FUT8: variants seen among roughly 807,000 people sequenced by gnomAD.
FUT8 encodes the protein alpha-(1,6)-fucosyltransferase.
A neutral mutation model predicts 71.3 loss-of-function variants in FUT8; 29 were observed. The observed-to-expected ratio is 0.41, with a 90% CI of 0.30 to 0.55. The LOEUF is 0.55. FUT8 is among the 20% of genes least tolerant of loss of function. The probability of loss-of-function intolerance (pLI) is 0.34; values close to 1 mark genes in which losing one functional copy is unlikely to be tolerated. For missense variants in FUT8, 544 were observed against 702.1 expected (o/e 0.77, Z 2.55); for synonymous variants, 254 against 239.3 (o/e 1.06, Z -0.57).
At chr14:65,361,683 G>T in the FUT8 span, among the ~76,000 whole-genome samples, 1 of 152,092 alleles carries the variant, frequency 6.6e-6, no homozygotes, top group Admixed American at 6.6e-5. Flanking sequence ...AGCTACTTGG[G>T]AGGCTGAGGT....
chr14:65,415,726 T>C (rs1266906772), intron 1 of FUT8, among the ~76,000 whole-genome samples: 1 of 150,632 alleles, frequency 6.6e-6, no homozygotes, highest in Non-Finnish European at 1.5e-5. Context: ...AATAAAAAAA[T>C]GGACCTTTTA....
chr14:65,375,874 T>A, the FUT8 span, among the ~76,000 whole-genome samples: 1 of 95,922 alleles, frequency 1.0e-5, no homozygotes, highest in Non-Finnish European at 2.4e-5. Context: ...GCAGATCACT[T>A]GAGGCCAGGA....
At chr14:65,409,343 T>C (rs2065100835), upstream of FUT8, among the ~76,000 whole-genome samples, 3 of 152,230 alleles carry the variant, frequency 2.0e-5, no homozygotes, top group South Asian at 2.1e-4. The surrounding 1 kb of genome is among the most constrained non-coding windows in gnomAD (Gnocchi z 5.4). Flanking sequence ...ATTTGGTAAG[T>C]AGCTTATGCT....
chr14:65,416,813 C>G (rs1268080733), intron 1 of FUT8, among the ~76,000 whole-genome samples: 1 of 132,360 alleles, frequency 7.6e-6, no homozygotes, highest in Non-Finnish European at 1.6e-5. Context: ...GGTTGTCTCT[C>G]TATGTTGCCC....
chr14:65,503,957 A>G (rs966003741), intron 2 of FUT8, among the ~76,000 whole-genome samples: 3 of 152,236 alleles, frequency 2.0e-5, no homozygotes, highest in Non-Finnish European at 4.4e-5. Context: ...TATAGAAGAT[A>G]ATCTGTCAAA....
Position 65,505,160 on chromosome 14 carries a change from A to C in FUT8, c.-228+49442A>C, listed in dbSNP as rs58435428. On this transcript the variant is annotated intron_variant, in intron 2 of 10. Coordinates refer to ENST00000673929, the MANE Select transcript of FUT8 (RefSeq NM_001371533.1). ...CTAGCCACTGTTATCTGAATAGTTG[A>C]GTTTTACATGCGTAACCACTTGACC... Among the ~76,000 whole-genome samples, 127 of 152,174 alleles carry C rather than the reference A, an allele frequency of 8.3e-4. 2 individuals are homozygous for C. In the East Asian group the frequency reaches 0.023, roughly 28 times the overall value.
At chr14:65,390,926 C>A in the FUT8 span, among the ~76,000 whole-genome samples, 13 of 152,052 alleles carry the variant, frequency 8.5e-5, no homozygotes, top group African/African-American at 3.1e-4. Context: ...CAGGGTTTCA[C>A]CGTGTTAGCC....
intron 2 of FUT8, among the ~76,000 whole-genome samples, chr14:65,544,558 A>G (rs1260716636): frequency 6.6e-6 from 1 of 152,184 alleles, no homozygotes; most frequent in Non-Finnish European, 1.5e-5. Context: ...CTGAAGGTAC[A>G]GATGGCAAGT....
At chr14:65,534,044 A>AT (rs759222434) in intron 2 of FUT8, among the ~76,000 whole-genome samples, 3 of 152,058 alleles carry the variant, frequency 2.0e-5, no homozygotes, top group Non-Finnish European at 4.4e-5. Context: ...TTTGTTGAAG[A>AT]TTTTTGCATC....
At chr14:65,670,497 GA>G (rs1412211139) in intron 7 of FUT8, among the ~76,000 whole-genome samples, 1 of 152,112 alleles carries the variant, frequency 6.6e-6, no homozygotes, top group Admixed American at 6.5e-5. Flanking sequence ...CAGTGTGACA[GA>G]TACTGAATTA....
chr14:65,715,323 A>C lies in FUT8; in HGVS notation c.836-6452A>C, dbSNP rs74990521. ...TTTTATCACATGCTTTTTCTGCATCAATTGAAATGATCATGTGGCTTTTGT... is the reference window on the plus strand; with the variant it reads ...TTTTATCACATGCTTTTTCTGCATCCATTGAAATGATCATGTGGCTTTTGT... On this transcript the variant is annotated intron_variant, in intron 7 of 10. Transcript: ENST00000673929. Among the ~76,000 whole-genome samples the C allele has an allele frequency of 7.9e-3, 1,208 of 152,348 alleles. 9 individuals are homozygous for C. Among genetic ancestry groups the C allele is most frequent in the African/African-American group, 0.024 (1,006 of 41,576 alleles).
At chr14:65,539,908 C>T (rs993810439) in intron 2 of FUT8, among the ~76,000 whole-genome samples, 1 of 152,168 alleles carries the variant, frequency 6.6e-6, no homozygotes, top group African/African-American at 2.4e-5. Flanking sequence ...CAGAATGAGT[C>T]CCAACATTCT....
intron 7 of FUT8, among the ~76,000 whole-genome samples, chr14:65,712,840 A>G (rs1028967816): frequency 6.6e-6 from 1 of 152,192 alleles, no homozygotes; most frequent in African/African-American, 2.4e-5. Flanking sequence ...ACAGGCATAC[A>G]ATGCATAATA....
chr14:65,382,078 C>T, the FUT8 span, among the ~76,000 whole-genome samples: 1 of 152,232 alleles, frequency 6.6e-6, no homozygotes, highest in East Asian at 1.9e-4. Context: ...TCTTCTTTCA[C>T]CTCTCCGTGG....
intron 3 of FUT8, among the ~76,000 whole-genome samples, chr14:65,604,291 A>G (rs1400160155): frequency 6.6e-6 from 1 of 151,934 alleles, no homozygotes; most frequent in Non-Finnish European, 1.5e-5. Context: ...CAGCAACCAC[A>G]GAGTATACAT....
chr14:65,459,780 G>A (rs1320214443), intron 2 of FUT8, among the ~76,000 whole-genome samples: 2 of 151,918 alleles, frequency 1.3e-5, no homozygotes, highest in Non-Finnish European at 2.9e-5. Flanking sequence ...TTTATTTCAC[G>A]AACACTGCCA....
chr14:65,406,459 G>T (rs1190887569), upstream of FUT8, among the ~76,000 whole-genome samples: 2 of 152,222 alleles, frequency 1.3e-5, no homozygotes, highest in African/African-American at 2.4e-5. Flanking sequence ...GAGACAGGAA[G>T]ATATGCTCAA....
intron 5 of FUT8, among the ~76,000 whole-genome samples, chr14:65,628,775 A>T (rs1220957630): frequency 2.0e-5 from 3 of 152,248 alleles, no homozygotes; most frequent in Non-Finnish European, 2.9e-5. Flanking sequence ...GGAATTACTG[A>T]TGCTAAATAA....
intron 6 of FUT8, among the ~76,000 whole-genome samples, chr14:65,668,385 A>T (rs1450446173): frequency 2.0e-5 from 3 of 152,122 alleles, no homozygotes; most frequent in Non-Finnish European, 4.4e-5. Context: ...AAAGGCAAAC[A>T]CTTTTCAAAA....
Sources: gnomAD v4.1 joint callset for allele counts (sites outside exome capture counted in the v4.1 genomes callset) on GRCh38, gnomAD v4.1.1 for gene constraint, Gnocchi (gnomAD v3.1) non-coding constraint, MANE v1.5 for transcripts, NCBI Gene and HGNC (gene_info 2026-07-23, HGNC 2026-07-21) for gene names.